Variants in ZMYM2 observed in about 807,000 individuals in gnomAD.
ZMYM2 encodes zinc finger MYM-type protein 2.
ZMYM2 carries 56 observed loss-of-function variants against 162.8 expected under a neutral mutation model. That is an observed-to-expected ratio of 0.34 (90% confidence interval 0.28 to 0.43). The LOEUF is 0.43. Among genes scored for constraint, ZMYM2 ranks in the 20% least tolerant of loss-of-function variants. The pLI is 1.00. For missense variants in ZMYM2, 1,275 were observed against 1,621.8 expected (o/e 0.79, Z 3.67); for synonymous variants, 510 against 541.6 (o/e 0.94, Z 0.81).
chr13:19,971,262 A>ATATATATATATATT (rs1329532735), intron 2 of ZMYM2, among the ~76,000 whole-genome samples: 7 of 78,330 alleles, frequency 8.9e-5, no homozygotes, highest in African/African-American at 3.2e-4. Context: ...ATATATATAT[A>ATATATATATATATT]TTTTTTTTTT....
In ZMYM2 at chr13:20,086,331, A is replaced by G; in HGVS notation, c.*317A>G. The G allele has an allele frequency of 4.0e-6, 1 of 252,728 alleles. No individual in the cohort carries two copies. The highest frequency in any genetic ancestry group is 5.9e-5 in the East Asian group (1 of 17,006). 15.7% of individuals were successfully genotyped at this position (252,728 alleles called of 1,614,324 possible). On this transcript the variant is annotated 3_prime_UTR_variant, in exon 25 of 25. Transcript: ENST00000610343. ...TATAATTTTTTTCTTGTAGTAAGAA[A>G]CATCCATATTGCACAACTCTACTGT...
chr13:19,914,291 T>C, the ZMYM2 span, among the ~76,000 whole-genome samples: 1 of 152,210 alleles, frequency 6.6e-6, no homozygotes, highest in African/African-American at 2.4e-5. Flanking sequence ...ATCAAGTGGA[T>C]AAGATTACTC....
intron 12 of ZMYM2, among the ~76,000 whole-genome samples, chr13:20,038,510 C>T (rs1289153014): frequency 6.6e-6 from 1 of 152,166 alleles, no homozygotes; most frequent in Non-Finnish European, 1.5e-5. Context: ...TATCCCAGCA[C>T]CGTTGATTGA....
rs567001730 is a variant in ZMYM2 at position 20,081,952 on chromosome 13, A to G, written c.3454-64A>G. 3.1e-5 allele frequency: 31 copies of G among 987,776 alleles called. 1 individual carries two copies. In the South Asian group the frequency reaches 5.2e-4, roughly 17 times the overall value. 61.2% of individuals were successfully genotyped at this position (987,776 alleles called of 1,614,324 possible). A position where few individuals can be genotyped will look rare whatever the true frequency, so the allele number is the denominator to read the frequency against. ...TTTCTTAAGAAATACGGAGTGTAATATGTTTACTATAATTAGCTGATTTTC... is the reference window on the plus strand; with the variant it reads ...TTTCTTAAGAAATACGGAGTGTAATGTGTTTACTATAATTAGCTGATTTTC... On this transcript the variant is annotated intron_variant, in intron 21 of 24. Transcript: ENST00000610343.
chr13:20,084,412 T>C (rs1479982245), intron 24 of ZMYM2, among the ~76,000 whole-genome samples: 1 of 152,214 alleles, frequency 6.6e-6, no homozygotes, highest in East Asian at 1.9e-4. Flanking sequence ...TTTGGGCCTA[T>C]GGAATCACTA....
rs1019104428 is a variant in ZMYM2, at chr13:20,088,442, A to G, written c.*2428A>G. ...TCTTGAAATGTTTATTGAAGATGCT[A>G]TATTTTTCTGTTCTGTTTTCTGAAG... is the stretch of plus-strand genomic sequence containing the variant. On this transcript the variant is annotated 3_prime_UTR_variant, in exon 25 of 25. Coordinates refer to ENST00000610343, the MANE Select transcript of ZMYM2 (RefSeq NM_197968.4). 2 of 200,944 alleles carry G rather than the reference A, an allele frequency of 1.0e-5. No individual in the cohort carries two copies. Among genetic ancestry groups the G allele is most frequent in the Non-Finnish European group, 2.1e-5 (2 of 97,448 alleles). The allele number at this position is 200,944 out of a possible 1,614,324, so 12.4% of individuals were successfully genotyped here.
upstream of ZMYM2, among the ~76,000 whole-genome samples, chr13:19,957,828 C>T (rs1954652220): frequency 6.6e-6 from 1 of 152,242 alleles, no homozygotes; most frequent in Non-Finnish European, 1.5e-5. Flanking sequence ...CCGCAGCTCC[C>T]TCCATCTTGG....
the ZMYM2 span, among the ~76,000 whole-genome samples, chr13:19,923,356 C>CA: frequency 4.5e-3 from 256 of 57,370 alleles, 8 homozygotes; most frequent in African/African-American, 0.012. Flanking sequence ...GACTCCGTCG[C>CA]AAAAAAAAAA....
chr13:19,949,962 A>C, the ZMYM2 span, among the ~76,000 whole-genome samples: 1 of 151,636 alleles, frequency 6.6e-6, no homozygotes, highest in Non-Finnish European at 1.5e-5. Flanking sequence ...GGAAGGAAAG[A>C]AAGAAGAGAA....
chr13:19,889,790 T>C, the ZMYM2 span, among the ~76,000 whole-genome samples: 2 of 151,934 alleles, frequency 1.3e-5, no homozygotes, highest in Non-Finnish European at 2.9e-5. Flanking sequence ...GTTTTTTCCA[T>C]CCTAGCTGTT....
intron 12 of ZMYM2, among the ~76,000 whole-genome samples, chr13:20,047,806 C>CT (rs1954961304): frequency 6.6e-6 from 1 of 152,048 alleles, no homozygotes. Context: ...AATAAGAAAT[C>CT]TGTGACATCA....
upstream of ZMYM2, among the ~76,000 whole-genome samples, chr13:19,954,478 T>C (rs7325989): frequency 2.0e-5 from 3 of 152,024 alleles, no homozygotes; most frequent in African/African-American, 7.2e-5. Context: ...GAGAAAGCTA[T>C]CTAGAGAGGC....
chr13:19,961,313 T>TCAAATTG (rs1482555340), intron 2 of ZMYM2, among the ~76,000 whole-genome samples: 2 of 152,198 alleles, frequency 1.3e-5, no homozygotes, highest in Non-Finnish European at 2.9e-5. Flanking sequence ...ATTAGATTTT[T>TCAAATTG]ATACTGCCTT....
intron 3 of ZMYM2, among the ~76,000 whole-genome samples, chr13:19,995,861 C>T (rs1949980070): frequency 6.6e-6 from 1 of 152,148 alleles, no homozygotes; most frequent in Non-Finnish European, 1.5e-5. Flanking sequence ...CATAGTGGTG[C>T]ACACCTGTGG....
chr13:20,004,447 G>A (rs1278705955), intron 4 of ZMYM2, among the ~76,000 whole-genome samples: 1 of 152,066 alleles, frequency 6.6e-6, no homozygotes. Flanking sequence ...AGTAGAGACG[G>A]GGTTTCACCA....
chr13:20,082,356 G>A (rs1402382407), intron 22 of ZMYM2, among the ~76,000 whole-genome samples: 5 of 152,122 alleles, frequency 3.3e-5, no homozygotes, highest in Non-Finnish European at 5.9e-5. Context: ...TTTCTCTGGA[G>A]TACGAGACTG....
Position 19,969,972 on chromosome 13 carries a change from A to AAG in ZMYM2, c.-11+9946_-11+9947insAG, listed in dbSNP as rs1956161592. On this transcript the variant is annotated intron_variant, in intron 2 of 24. Transcript: ENST00000610343. ...ATTCTTAGTACCTGAAGTCTACCTT[A>AAG]TTGGATCTCTGGTCTCATTTGCTTA... 3.4e-6 allele frequency: 3 copies of AAG among 893,184 alleles called. No homozygotes were observed. In the South Asian group the frequency reaches 1.5e-4, roughly 46 times the overall value. 55.3% of individuals were successfully genotyped at this position (893,184 alleles called of 1,614,324 possible). A position where few individuals can be genotyped will look rare whatever the true frequency, so the allele number is the denominator to read the frequency against.
intron 6 of ZMYM2, among the ~76,000 whole-genome samples, chr13:20,010,125 G>A (rs1057012990): frequency 4.6e-5 from 7 of 152,070 alleles, no homozygotes; most frequent in African/African-American, 1.7e-4. Context: ...GTGCATGTGC[G>A]GTGGTATCTC....
chr13:20,031,555 T>A, intron 10 of ZMYM2, 120 bp downstream of exon 10: 1 of 650,428 alleles, frequency 1.5e-6, no homozygotes, highest in Non-Finnish European at 2.5e-6. Flanking sequence ...TTTCAGATTT[T>A]TTTTTATGAT....
Sources: allele counts gnomAD v4.1 joint callset (sites outside exome capture counted in the v4.1 genomes callset), GRCh38; gene constraint gnomAD v4.1.1; transcripts MANE v1.5; gene names NCBI Gene and HGNC (gene_info 2026-07-23, HGNC 2026-07-21).